IPO11: variants seen among roughly 807,000 people sequenced by gnomAD.
The protein encoded by IPO11 is importin-11.
IPO11 carries 66 observed loss-of-function variants against 143.2 expected under a neutral mutation model. The ratio of observed to expected loss-of-function variants is 0.46; its 90% confidence interval spans 0.38 to 0.57. The LOEUF (loss-of-function observed/expected upper bound fraction) is 0.57. IPO11 is among the 20% of genes least tolerant of loss of function. The pLI, the probability that IPO11 is intolerant of heterozygous loss-of-function variation, is 0.00. For synonymous variants in IPO11, 385 were observed against 377.8 expected (o/e 1.02, Z -0.22); for missense variants, 1,026 against 1,141.0 (o/e 0.90, Z 1.45).
At chr5:62,566,372 A>G (rs1743940244) in intron 27 of IPO11, among the ~76,000 whole-genome samples, 1 of 152,116 alleles carries the variant, frequency 6.6e-6, no homozygotes, top group Admixed American at 6.5e-5. Flanking sequence ...CATTTCTCTA[A>G]TGATCAATGA....
intron 28 of IPO11, among the ~76,000 whole-genome samples, chr5:62,600,283 G>A (rs758219845): frequency 2.0e-5 from 3 of 151,964 alleles, no homozygotes; most frequent in Non-Finnish European, 4.4e-5. Flanking sequence ...TGACCTCAGG[G>A]GATTCACCCA....
At chr5:62,420,555 A>G (rs1172358917) in intron 1 of IPO11, among the ~76,000 whole-genome samples, 2 of 151,502 alleles carry the variant, frequency 1.3e-5, no homozygotes, top group African/African-American at 2.4e-5. Context: ...ACTGTCGTAT[A>G]TATGTGGTCC....
intron 28 of IPO11, among the ~76,000 whole-genome samples, chr5:62,599,032 G>T (rs1348173919): frequency 6.6e-6 from 1 of 152,168 alleles, no homozygotes; most frequent in Non-Finnish European, 1.5e-5. Flanking sequence ...AACAACATTA[G>T]CATCAACATG....
intron 5 of IPO11, among the ~76,000 whole-genome samples, chr5:62,455,609 G>A (rs1051610088): frequency 5.9e-5 from 9 of 152,256 alleles, no homozygotes; most frequent in African/African-American, 2.2e-4. Context: ...TGCTACCTGC[G>A]GCTCAGTGTG....
intron 26 of IPO11, among the ~76,000 whole-genome samples, chr5:62,560,259 A>C (rs1486474071): frequency 1.3e-5 from 2 of 152,154 alleles, no homozygotes; most frequent in African/African-American, 4.8e-5. Flanking sequence ...AGATGGAGTC[A>C]TTTTTGTCTC....
chr5:62,462,411 A>C (rs980733444), intron 5 of IPO11, among the ~76,000 whole-genome samples: 4 of 151,994 alleles, frequency 2.6e-5, no homozygotes, highest in Admixed American at 6.6e-5. Flanking sequence ...GAATATGTCT[A>C]CTGTGATTTG....
intron 16 of IPO11, among the ~76,000 whole-genome samples, chr5:62,499,561 T>C (rs1741275044): frequency 6.7e-6 from 1 of 148,460 alleles, no homozygotes; most frequent in South Asian, 2.1e-4. Flanking sequence ...AACCACATCT[T>C]ACTCTAACTT....
chr5:62,508,543 CCTTCTTTCTTT>C (rs1335372997), intron 19 of IPO11, among the ~76,000 whole-genome samples: 1 of 151,640 alleles, frequency 6.6e-6, no homozygotes, highest in Non-Finnish European at 1.5e-5. Context: ...CTTCCTTCTT[CCTTCTTTCTTT>C]CTTCTTTCTT....
intron 25 of IPO11, 30 bp from the exon 26 acceptor site, chr5:62,551,192 AT>A: frequency 8.2e-7 from 1 of 1,222,162 alleles, no homozygotes. Flanking sequence ...CCATAACACA[AT>A]TTTACATGTG....
chr5:62,606,019 C>T (rs1745700625), intron 29 of IPO11, among the ~76,000 whole-genome samples: 1 of 152,228 alleles, frequency 6.6e-6, no homozygotes, highest in South Asian at 2.1e-4. Context: ...GTGTGAGCCA[C>T]TCCACCCTCC....
At chr5:62,523,760 C>T (rs1742278276) in intron 20 of IPO11, among the ~76,000 whole-genome samples, 1 of 152,090 alleles carries the variant, frequency 6.6e-6, no homozygotes. Context: ...AACCTTCTGG[C>T]TGATAATGTG....
intron 26 of IPO11, among the ~76,000 whole-genome samples, chr5:62,555,021 A>G (rs1743522647): frequency 6.6e-6 from 1 of 152,076 alleles, no homozygotes; most frequent in Non-Finnish European, 1.5e-5. Flanking sequence ...AGCTTATGTA[A>G]TATATTTTGA....
At chr5:62,417,511 A>G (rs1743344154) in intron 1 of IPO11, among the ~76,000 whole-genome samples, 1 of 151,458 alleles carries the variant, frequency 6.6e-6, no homozygotes, top group Non-Finnish European at 1.5e-5. Context: ...GGGACACCAT[A>G]TTTTCCTTAT....
chr5:62,444,693 A>C (rs1164180643), intron 3 of IPO11, among the ~76,000 whole-genome samples: 1 of 151,806 alleles, frequency 6.6e-6, no homozygotes, highest in Non-Finnish European at 1.5e-5. Context: ...ACATGGCGAA[A>C]CCCCACCTCT....
chr5:62,491,768 C>A (rs1029791543), intron 15 of IPO11, among the ~76,000 whole-genome samples: 1 of 150,704 alleles, frequency 6.6e-6, no homozygotes, highest in East Asian at 2.0e-4. Context: ...CGGGTTCATG[C>A]CGTTCTCCTG....
At chr5:62,607,523 A>C (rs1561385092) in intron 29 of IPO11, among the ~76,000 whole-genome samples, 1 of 152,154 alleles carries the variant, frequency 6.6e-6, no homozygotes, top group Non-Finnish European at 1.5e-5. Context: ...TGTTGTTCTT[A>C]ATTAAATATC....
chr5:62,475,171 T>C (rs1745911247), intron 8 of IPO11, among the ~76,000 whole-genome samples: 1 of 151,720 alleles, frequency 6.6e-6, no homozygotes, highest in African/African-American at 2.4e-5. Flanking sequence ...TCTCCCAAAG[T>C]GTTGGAATTG....
intron 9 of IPO11, among the ~76,000 whole-genome samples, chr5:62,482,380 G>A (rs1746245355): frequency 6.6e-6 from 1 of 152,138 alleles, no homozygotes; most frequent in African/African-American, 2.4e-5. Context: ...TGTAATGTAA[G>A]GGTGTTGATT....
intron 5 of IPO11, among the ~76,000 whole-genome samples, chr5:62,453,823 T>G (rs1745026401): frequency 6.6e-6 from 1 of 152,174 alleles, no homozygotes; most frequent in Non-Finnish European, 1.5e-5. Context: ...CTTTTCATTT[T>G]TAACTCAATG....
Sources: gnomAD v4.1 joint callset for allele counts (sites outside exome capture counted in the v4.1 genomes callset) on GRCh38, gnomAD v4.1.1 for gene constraint, MANE v1.5 for transcripts, NCBI Gene and HGNC (gene_info 2026-07-23, HGNC 2026-07-21) for gene names.